SH3RF3: variants seen among roughly 807,000 people sequenced by gnomAD.
SH3RF3 encodes E3 ubiquitin-protein ligase SH3RF3.
In SH3RF3, 29 loss-of-function variants were observed where a neutral mutation model predicts 66.3. The ratio of observed to expected loss-of-function variants is 0.44; its 90% CI spans 0.33 to 0.60. SH3RF3 has a LOEUF of 0.60. Ranked by LOEUF, SH3RF3 falls within the 20% of genes least tolerant of loss-of-function variation. The pLI, the probability that SH3RF3 is intolerant of heterozygous loss-of-function variation, is 0.04. For synonymous variants in SH3RF3, 583 were observed against 532.0 expected (o/e 1.10, Z -1.32); for missense variants, 1,194 against 1,190.9 (o/e 1.00, Z -0.04).
chr2:109,494,635 G>T (rs1291637783), intron 9 of SH3RF3, among the ~76,000 whole-genome samples: 1 of 152,178 alleles, frequency 6.6e-6, no homozygotes, highest in Non-Finnish European at 1.5e-5. Flanking sequence ...AGAACACTCA[G>T]CTGCCAAGCA....
rs577099287 is a variant in SH3RF3 at position 109,420,046 on chromosome 2, G to A, written c.1403+404G>A. ...GGTAGCCACTAGTCACCAACTGCTTGGAAGTGGTTCTGTGTTTCAGCCCCC... is the reference window on the plus strand; with the variant it reads ...GGTAGCCACTAGTCACCAACTGCTTAGAAGTGGTTCTGTGTTTCAGCCCCC... On this transcript the variant is annotated intron_variant, in intron 5 of 9. Coordinates refer to ENST00000309415, the MANE Select transcript of SH3RF3 (RefSeq NM_001099289.3). Among the ~76,000 whole-genome samples the A allele has an allele frequency of 5.3e-5, 8 of 152,292 alleles. No individual in the cohort carries two copies. In the South Asian group the frequency reaches 1.0e-3, roughly 20 times the overall value.
intron 1 of SH3RF3, among the ~76,000 whole-genome samples, chr2:109,314,855 A>G (rs1681834131): frequency 6.6e-6 from 1 of 152,238 alleles, no homozygotes; most frequent in Non-Finnish European, 1.5e-5. Context: ...CCAAAATATT[A>G]GAGGAGACCC....
At position 109,347,963 on chromosome 2, in the gene SH3RF3, C is replaced by A; in HGVS notation, c.849+14C>A. 1.3e-6 allele frequency: 2 copies of A among 1,585,406 alleles called. No individual in the cohort carries two copies. Among genetic ancestry groups the A allele is most frequent in the East Asian group, 2.3e-5 (1 of 43,192 alleles). On this transcript the variant is annotated intron_variant, in intron 2 of 9. Coordinates refer to ENST00000309415, the MANE Select transcript of SH3RF3 (RefSeq NM_001099289.3). The stretch of plus-strand genomic sequence containing the variant: ...ACCTTCACCAAGGTAAGGTGAGCCC[C>A]GGGGTGGGCCCCGCCAGCCCATGCA...
At chr2:109,364,885 G>T (rs2105647327) in intron 2 of SH3RF3, among the ~76,000 whole-genome samples, 1 of 152,328 alleles carries the variant, frequency 6.6e-6, no homozygotes, top group South Asian at 2.1e-4. Flanking sequence ...GAGGTCAGGA[G>T]TTCGAGACCA....
At chr2:109,369,360 GAAAA>G (rs2105670045) in intron 2 of SH3RF3, among the ~76,000 whole-genome samples, 1 of 152,176 alleles carries the variant, frequency 6.6e-6, no homozygotes, top group South Asian at 2.1e-4. Flanking sequence ...AAAAGAAAAA[GAAAA>G]GAAAGAAAAG....
At chr2:109,329,556 C>T (rs1682236795) in intron 1 of SH3RF3, among the ~76,000 whole-genome samples, 1 of 152,236 alleles carries the variant, frequency 6.6e-6, no homozygotes, top group African/African-American at 2.4e-5. Context: ...TGGGGTGCAG[C>T]CTTCCTGCAG....
chr2:109,240,292 G>A (rs765394062), intron 1 of SH3RF3, among the ~76,000 whole-genome samples: 18 of 152,232 alleles, frequency 1.2e-4, no homozygotes, highest in Admixed American at 2.6e-4. Context: ...TTGAGGTCGG[G>A]AGTCCAACAT....
chr2:109,491,872 G>A (rs1398319216), intron 9 of SH3RF3, among the ~76,000 whole-genome samples: 2 of 152,214 alleles, frequency 1.3e-5, no homozygotes, highest in East Asian at 3.9e-4. Context: ...TGCAACCCGG[G>A]AAGGCAGCCT....
chr2:109,241,479 A>C (rs941301774), intron 1 of SH3RF3, among the ~76,000 whole-genome samples: 2 of 152,148 alleles, frequency 1.3e-5, no homozygotes, highest in Admixed American at 6.5e-5. Flanking sequence ...TATCTTTTGA[A>C]ATTTCCTACA....
rs1310823136 is a variant in SH3RF3 at position 109,503,943 on chromosome 2, A to T, written c.*2272A>T. ...TGGAGGATGTCAGCTGGCCGCTTTC[A>T]GGGCAGAGTCGGGTGGGCGTTGGTG... On this transcript the variant is annotated 3_prime_UTR_variant, in exon 10 of 10. Coordinates refer to ENST00000309415, the MANE Select transcript of SH3RF3 (RefSeq NM_001099289.3). The T allele has an allele frequency of 6.6e-6, 1 of 152,252 alleles. No individual in the cohort carries two copies. The highest frequency in any genetic ancestry group is 1.5e-5 in the Non-Finnish European group (1 of 68,074). The allele number at this position is 152,252 out of a possible 1,614,324, so 9.4% of individuals were successfully genotyped here. A position where few individuals can be genotyped will look rare whatever the true frequency, so the allele number is the denominator to read the frequency against.
intron 4 of SH3RF3, among the ~76,000 whole-genome samples, chr2:109,418,863 G>A (rs912550944): frequency 1.3e-5 from 2 of 152,148 alleles, no homozygotes; most frequent in Admixed American, 1.3e-4. Context: ...GCCCTGCATG[G>A]GCTGGGACTA....
chr2:109,441,940 C>CA (rs35596934), intron 7 of SH3RF3, among the ~76,000 whole-genome samples: 2 of 131,114 alleles, frequency 1.5e-5, no homozygotes, highest in Non-Finnish European at 3.4e-5. Context: ...CTACTCCCAG[C>CA]AAAAATATCT....
At chr2:109,134,481 C>A (rs141052564) in intron 1 of SH3RF3, among the ~76,000 whole-genome samples, 1 of 152,292 alleles carries the variant, frequency 6.6e-6, no homozygotes, top group Non-Finnish European at 1.5e-5. Flanking sequence ...AGTGAATAAT[C>A]TAAATTATTA....
At chr2:109,248,919 C>A (rs934703784) in intron 1 of SH3RF3, among the ~76,000 whole-genome samples, 29 of 151,126 alleles carry the variant, frequency 1.9e-4, no homozygotes, top group African/African-American at 6.8e-4. Context: ...CCTGTCCTGT[C>A]CTGTCCTGTC....
intron 1 of SH3RF3, among the ~76,000 whole-genome samples, chr2:109,155,799 C>T (rs1037135498): frequency 3.3e-5 from 5 of 152,170 alleles, no homozygotes; most frequent in Admixed American, 6.5e-5. Context: ...GTGTGAATAA[C>T]GTAGAATGGA....
chr2:109,250,199 A>G (rs1248339803), intron 1 of SH3RF3, among the ~76,000 whole-genome samples: 1 of 150,234 alleles, frequency 6.7e-6, no homozygotes. Flanking sequence ...TAAGGTTTTG[A>G]TATAATTCAG....
At chr2:109,419,382 C>T (rs2104519137) in intron 4 of SH3RF3, among the ~76,000 whole-genome samples, 157 bp from the exon 5 acceptor site, 1 of 152,338 alleles carries the variant, frequency 6.6e-6, no homozygotes. Flanking sequence ...CAGGCTCCCT[C>T]CCATGACAGT....
At chr2:109,483,578 C>G (rs374113518) in intron 8 of SH3RF3, among the ~76,000 whole-genome samples, 1 of 152,338 alleles carries the variant, frequency 6.6e-6, no homozygotes, top group African/African-American at 2.4e-5. Context: ...CTTTGACTTC[C>G]TATCTGCTGT....
chr2:109,134,565 G>C (rs1032799056), intron 1 of SH3RF3, among the ~76,000 whole-genome samples: 1 of 152,206 alleles, frequency 6.6e-6, no homozygotes, highest in Non-Finnish European at 1.5e-5. Flanking sequence ...GGTGTTTTAA[G>C]TGTGGCTCAT....
Sources: gnomAD v4.1 joint callset for allele counts (sites outside exome capture counted in the v4.1 genomes callset) on GRCh38, gnomAD v4.1.1 for gene constraint, MANE v1.5 for transcripts, NCBI Gene and HGNC (gene_info 2026-07-23, HGNC 2026-07-21) for gene names.